FSTL5: variants seen among roughly 807,000 people sequenced by gnomAD.
FSTL5 encodes the protein follistatin-related protein 5.
FSTL5 carries 62 observed loss-of-function variants against 89.1 expected under a neutral mutation model. The observed-to-expected ratio is 0.70, with a 90% CI of 0.57 to 0.86. FSTL5 has a LOEUF of 0.86. Among genes scored for constraint, FSTL5 ranks in the 40% least tolerant of loss-of-function variants. The pLI is 0.00. For missense variants in FSTL5, 1,057 were observed against 1,001.6 expected, an observed-to-expected ratio of 1.06 and a Z score of -0.75; for synonymous variants, 383 against 346.2, an observed-to-expected ratio of 1.11 and a Z score of -1.18.
At chr4:161,436,150 C>A (rs1732553666) in intron 15 of FSTL5, among the ~76,000 whole-genome samples, 1 of 152,082 alleles carries the variant, frequency 6.6e-6, no homozygotes, top group Non-Finnish European at 1.5e-5. Flanking sequence ...GCTGTGTAGT[C>A]ACCAATTCAG....
chr4:161,764,921 A>G (rs1327832063), intron 5 of FSTL5, among the ~76,000 whole-genome samples: 1 of 152,222 alleles, frequency 6.6e-6, no homozygotes, highest in Non-Finnish European at 1.5e-5. Flanking sequence ...AACTGAAACT[A>G]GTTACTAACA....
chr4:161,445,950 GTAATT>G (rs770710570), intron 15 of FSTL5, among the ~76,000 whole-genome samples: 1 of 151,950 alleles, frequency 6.6e-6, no homozygotes, highest in Admixed American at 6.6e-5. Context: ...ACATAAAAAT[GTAATT>G]TAATTTAAAT....
At chr4:161,789,054 A>G (rs961414883) in intron 4 of FSTL5, among the ~76,000 whole-genome samples, 6 of 152,248 alleles carry the variant, frequency 3.9e-5, no homozygotes, top group African/African-American at 1.4e-4. Flanking sequence ...CAGTGGAAAC[A>G]AAAATATCTT....
chr4:161,888,904 T>G (rs1302881255), intron 4 of FSTL5, among the ~76,000 whole-genome samples: 1 of 152,130 alleles, frequency 6.6e-6, no homozygotes, highest in East Asian at 1.9e-4. Flanking sequence ...GAGTCATCTA[T>G]CTATACAACA....
intron 8 of FSTL5, among the ~76,000 whole-genome samples, chr4:161,554,318 T>A (rs1732315895): frequency 6.6e-6 from 1 of 151,544 alleles, no homozygotes; most frequent in African/African-American, 2.4e-5. Context: ...AGTACTTCTC[T>A]CTACATTAGG....
intron 7 of FSTL5, among the ~76,000 whole-genome samples, chr4:161,636,460 C>A: frequency 1.7e-5 from 2 of 121,090 alleles, no homozygotes; most frequent in Admixed American, 1.7e-4. Flanking sequence ...TTTTTTTTTT[C>A]TTTTTTTTTT....
chr4:161,672,959 G>T (rs1737173809), intron 6 of FSTL5, among the ~76,000 whole-genome samples: 1 of 151,790 alleles, frequency 6.6e-6, no homozygotes, highest in South Asian at 2.1e-4. Context: ...GAAACTGCAG[G>T]TCTTTAAATG....
At chr4:162,088,909 C>T (rs1730427374) in intron 2 of FSTL5, among the ~76,000 whole-genome samples, 1 of 152,088 alleles carries the variant, frequency 6.6e-6, no homozygotes, top group South Asian at 2.1e-4. Context: ...GTGCTATGGT[C>T]TGAATGTATC....
intron 6 of FSTL5, among the ~76,000 whole-genome samples, chr4:161,737,608 T>C (rs1344635065): frequency 1.3e-5 from 2 of 152,074 alleles, no homozygotes; most frequent in Non-Finnish European, 2.9e-5. Context: ...TCATGCATTA[T>C]TTTTGACATA....
chr4:161,550,750 C>G (rs1270522108), intron 8 of FSTL5, among the ~76,000 whole-genome samples: 1 of 151,806 alleles, frequency 6.6e-6, no homozygotes, highest in African/African-American at 2.4e-5. Context: ...CACCCCACCA[C>G]AGTCCCCAGA....
At chr4:161,796,621 TTC>T (rs1298634683) in intron 4 of FSTL5, among the ~76,000 whole-genome samples, 2 of 151,770 alleles carry the variant, frequency 1.3e-5, no homozygotes, top group Non-Finnish European at 3.0e-5. Context: ...CTTTTTTATG[TTC>T]TTTTTCCAGA....
rs114286891 is a variant in FSTL5 at position 161,485,223 on chromosome 4, A to G, written c.1459-4054T>C. ...CATGTTAGTGTACATTCTGACCTTA[A>G]TTATCATTTTTGTCCTATTATTTAA... On this transcript the variant is annotated intron_variant, in intron 12 of 15. Coordinates refer to ENST00000306100, the MANE Select transcript of FSTL5 (RefSeq NM_020116.5). Among the ~76,000 whole-genome samples, 522 of 152,308 alleles carry G rather than the reference A, an allele frequency of 3.4e-3. 2 individuals are homozygous for G. Among genetic ancestry groups the G allele is most frequent in the African/African-American group, 0.011 (471 of 41,568 alleles).
intron 6 of FSTL5, among the ~76,000 whole-genome samples, chr4:161,731,998 ATTC>A (rs1470573116): frequency 2.0e-5 from 3 of 151,974 alleles, no homozygotes; most frequent in East Asian, 3.9e-4. Context: ...TTTCATCTTC[ATTC>A]TTCTTTCATT....
Position 161,730,280 on chromosome 4 carries a change from G to A in FSTL5, c.727+29131C>T, listed in dbSNP as rs145451506. Among the ~76,000 whole-genome samples the A allele has an allele frequency of 6.6e-5, 10 of 152,132 alleles. No individual in the cohort carries two copies. In the East Asian group the frequency reaches 1.7e-3, roughly 26 times the overall value. ...TTGGAAACTCTAGTAATAAAATATA[G>A]TGTCAAAGAAATTACAAATATGAGT... On this transcript the variant is annotated intron_variant, in intron 6 of 15. Transcript: ENST00000306100.
At chr4:161,432,718 A>G (rs1490691800) in intron 15 of FSTL5, among the ~76,000 whole-genome samples, 2 of 152,018 alleles carry the variant, frequency 1.3e-5, no homozygotes, top group Admixed American at 6.5e-5. Flanking sequence ...GACTCAAATA[A>G]ATACAATCAG....
At chr4:162,123,882 G>A (rs1355918680) in intron 1 of FSTL5, among the ~76,000 whole-genome samples, 3 of 150,668 alleles carry the variant, frequency 2.0e-5, no homozygotes, top group Non-Finnish European at 4.4e-5. Flanking sequence ...AAAAAAAACT[G>A]AAGAAAGGTG....
chr4:162,120,956 G>A (rs1007241771), intron 1 of FSTL5, among the ~76,000 whole-genome samples: 1 of 151,874 alleles, frequency 6.6e-6, no homozygotes, highest in African/African-American at 2.4e-5. Context: ...TTGAGTAGAA[G>A]TTTTGGAGTT....
chr4:161,810,464 G>A (rs1000491670), intron 4 of FSTL5, among the ~76,000 whole-genome samples: 1 of 152,160 alleles, frequency 6.6e-6, no homozygotes, highest in African/African-American at 2.4e-5. Context: ...CAGCCGAGAA[G>A]GGTGTAGAAA....
At chr4:162,118,738 A>G (rs1731745080) in intron 1 of FSTL5, among the ~76,000 whole-genome samples, 1 of 152,172 alleles carries the variant, frequency 6.6e-6, no homozygotes, top group Non-Finnish European at 1.5e-5. Context: ...ATATCCATAA[A>G]GAAGAGCAAG....
Sources: gnomAD v4.1 joint callset for allele counts (sites outside exome capture counted in the v4.1 genomes callset) on GRCh38, gnomAD v4.1.1 for gene constraint, MANE v1.5 for transcripts, NCBI Gene and HGNC (gene_info 2026-07-23, HGNC 2026-07-21) for gene names.